Variants in METTL9 observed in about 807,000 individuals in gnomAD.
METTL9 encodes the protein methyltransferase 9, His-X-His N1(pi)-histidine.
A neutral mutation model predicts 36.0 loss-of-function variants in METTL9; 10 were observed. The ratio of observed to expected loss-of-function variants is 0.28; its 90% CI spans 0.17 to 0.47. The LOEUF is 0.47. Among genes scored for constraint, METTL9 ranks in the 20% least tolerant of loss-of-function variants. METTL9 has a pLI of 0.99. For synonymous variants in METTL9, 175 were observed against 149.7 expected, an observed-to-expected ratio of 1.17 and a Z score of -1.23; for missense variants, 246 against 383.5, an observed-to-expected ratio of 0.64 and a Z score of 3.00.
intron 1 of METTL9, among the ~76,000 whole-genome samples, chr16:21,603,992 G>A (rs1019777299): frequency 6.6e-6 from 1 of 152,074 alleles, no homozygotes; most frequent in African/African-American, 2.4e-5. Context: ...TACTTGGACA[G>A]CATAGCCAGA....
At chr16:21,652,878 T>C (rs1185630195) in intron 4 of METTL9, 3 of 359,692 alleles carry the variant, frequency 8.3e-6, no homozygotes, top group Non-Finnish European at 1.5e-5. Flanking sequence ...TAGCACATAT[T>C]TCCAGGAAGG....
At chr16:21,607,494 T>C (rs1001113579) in intron 1 of METTL9, among the ~76,000 whole-genome samples, 3 of 152,218 alleles carry the variant, frequency 2.0e-5, no homozygotes, top group African/African-American at 7.2e-5. Context: ...TGGCCAATTA[T>C]TAGTATCTTT....
At chr16:21,652,789 T>C (rs1966611825) in intron 4 of METTL9, 1 of 486,688 alleles carries the variant, frequency 2.1e-6, no homozygotes, top group Non-Finnish European at 3.7e-6. Context: ...TTTAGAAATG[T>C]GCATATCTTT....
At chr16:21,614,535 C>A (rs1243450959) in intron 2 of METTL9, among the ~76,000 whole-genome samples, 1 of 152,156 alleles carries the variant, frequency 6.6e-6, no homozygotes, top group Non-Finnish European at 1.5e-5. Context: ...CTGATACCCA[C>A]CCTGCTTTCA....
rs769427546 is a variant in METTL9, at chr16:21,656,246, C to T, written c.*814C>T. The stretch of plus-strand genomic sequence containing the variant: ...TAACCTGGTTCTGACTTTGTGATCA[C>T]TCATGTCCCATACACTGAACTTTGT... On this transcript the variant is annotated 3_prime_UTR_variant, in exon 5 of 5. Coordinates refer to ENST00000358154, the MANE Select transcript of METTL9 (RefSeq NM_016025.5). 3 of 142,584 alleles carry T rather than the reference C, an allele frequency of 2.1e-5. No individual in the cohort carries two copies. Among genetic ancestry groups the T allele is most frequent in the Non-Finnish European group, 3.0e-5 (2 of 66,974 alleles). The allele number at this position is 142,584 out of a possible 1,614,324, so 8.8% of individuals were successfully genotyped here.
chr16:21,599,360 C>T (rs1010648769), upstream of METTL9: 15 of 1,019,382 alleles, frequency 1.5e-5, no homozygotes, highest in African/African-American at 1.0e-4. This position sits in a 1 kb window ranked among gnomAD's most constrained non-coding sequence, Gnocchi z 4.4. Context: ...TTACTAGAGG[C>T]CAAGGCAGGG....
At chr16:21,643,208 A>G in intron 4 of METTL9, 1 of 1,334,872 alleles carries the variant, frequency 7.5e-7, no homozygotes, top group South Asian at 1.2e-5. Context: ...AAGCGATGAT[A>G]ACGACGCATC....
chr16:21,608,482 G>A (rs1240199570), intron 1 of METTL9, among the ~76,000 whole-genome samples: 1 of 152,136 alleles, frequency 6.6e-6, no homozygotes, highest in Non-Finnish European at 1.5e-5. Flanking sequence ...TTTTAATTCA[G>A]TCAGCTGGAG....
chr16:21,646,816 C>T (rs146882023), intron 4 of METTL9: 37 of 358,732 alleles, frequency 1.0e-4, no homozygotes, highest in African/African-American at 5.1e-4. Flanking sequence ...CCACCATGCG[C>T]GGCTAATTTT....
intron 2 of METTL9, 62 bp downstream of exon 2, chr16:21,612,897 AAAAAG>A: frequency 7.1e-7 from 1 of 1,409,594 alleles, no homozygotes; most frequent in African/African-American, 1.5e-5. Context: ...GGAAAAACAC[AAAAAG>A]AAAAGTTATC....
intron 4 of METTL9, chr16:21,651,973 C>G (rs1392625155): frequency 6.6e-6 from 1 of 152,068 alleles, no homozygotes; most frequent in African/African-American, 2.4e-5. Context: ...AAATTAAGAA[C>G]TTTCCCCCCT....
chr16:21,612,076 A>C (rs560385693), intron 1 of METTL9: 80 of 152,270 alleles, frequency 5.3e-4, no homozygotes, highest in African/African-American at 1.9e-3. Context: ...ATTTCTAAAG[A>C]TCTCTTTTAC....
At chr16:21,646,054 T>C (rs1312694602) in intron 4 of METTL9, among the ~76,000 whole-genome samples, 1 of 152,208 alleles carries the variant, frequency 6.6e-6, no homozygotes, top group Non-Finnish European at 1.5e-5. Context: ...CTGCTCATCA[T>C]ACCAGGGTCC....
chr16:21,598,056 G>A (rs194549), upstream of METTL9: 152,361 of 152,446 alleles, frequency 1, 76,138 homozygotes, highest in Middle Eastern at 1. Context: ...AAAAGCTAAT[G>A]AAAGAGCTGT....
chr16:21,617,741 AT>A (rs1328179031), intron 2 of METTL9, 123 bp from the exon 3 acceptor site: 2 of 866,006 alleles, frequency 2.3e-6, no homozygotes, highest in Non-Finnish European at 1.8e-6. Context: ...AAAAAAAAAA[AT>A]CTTAACCATG....
chr16:21,647,863 G>C (rs1447884977), intron 4 of METTL9, among the ~76,000 whole-genome samples: 1 of 152,146 alleles, frequency 6.6e-6, no homozygotes, highest in East Asian at 1.9e-4. Context: ...TCTCCTGCCT[G>C]CTTTCTTGTC....
At chr16:21,601,419 C>A (rs1236777759) in intron 1 of METTL9, among the ~76,000 whole-genome samples, 2 of 152,100 alleles carry the variant, frequency 1.3e-5, no homozygotes, top group Non-Finnish European at 2.9e-5. Context: ...CGATTTATCT[C>A]CATTGATGGG....
intron 4 of METTL9, among the ~76,000 whole-genome samples, chr16:21,635,650 T>C (rs934229052): frequency 1.3e-5 from 2 of 152,128 alleles, no homozygotes; most frequent in Middle Eastern, 3.2e-3. Flanking sequence ...TAGGCCATAG[T>C]GCAGAAAAAA....
In METTL9 at chr16:21,647,236, CACTCTGTTT is replaced by C. The variant is rs1567346976; in HGVS notation, c.752-7988_752-7980del. ...TGTAAATTGCACTGTCATTTGAAGT[CACTCTGTTT>C]ACAGTGAGGGAAACTTGGTTTTCTT... On this transcript the variant is annotated intron_variant, in intron 4 of 4. Transcript: ENST00000358154. The C allele has an allele frequency of 3.1e-6, 5 of 1,614,130 alleles. No individual in the cohort carries two copies. In the East Asian group the frequency reaches 1.1e-4, roughly 36 times the overall value.
Sources: allele counts gnomAD v4.1 joint callset (sites outside exome capture counted in the v4.1 genomes callset), GRCh38; gene constraint gnomAD v4.1.1; non-coding constraint Gnocchi (gnomAD v3.1); transcripts MANE v1.5; gene names NCBI Gene and HGNC (gene_info 2026-07-23, HGNC 2026-07-21).